Variants in MAGT1 observed in about 807,000 individuals in gnomAD.
MAGT1 encodes magnesium transporter 1, also known as dolichyl-diphosphooligosaccharide--protein glycosyltransferase subunit MAGT1.
A neutral mutation model predicts 28.4 loss-of-function variants in MAGT1; 4 were observed. The observed-to-expected ratio is 0.14, with a 90% confidence interval of 0.07 to 0.32. The LOEUF (loss-of-function observed/expected upper bound fraction) is 0.32. MAGT1 is among the 10% of genes least tolerant of loss of function. MAGT1 has a pLI of 1.00. For synonymous variants in MAGT1, 89 were observed against 89.7 expected, an observed-to-expected ratio of 0.99 and a Z score of 0.04; for missense variants, 193 against 264.5, an observed-to-expected ratio of 0.73 and a Z score of 1.88.
chrX:77,876,150 ATATATATATATATATTTTTTTT>A (rs1250325086), intron 1 of MAGT1, among the ~76,000 whole-genome samples: 2 of 29,981 alleles, frequency 6.7e-5, no homozygotes, highest in Non-Finnish European at 1.2e-4. Flanking sequence ...ATATATATAT[ATATATATATATATATTTTTTTT>A]TTTTTTTTTT....
intron 7 of MAGT1, among the ~76,000 whole-genome samples, chrX:77,852,232 G>A (rs2076970508): frequency 8.9e-6 from 1 of 112,197 alleles, no homozygotes; most frequent in Non-Finnish European, 1.9e-5. Context: ...TATGGACTAG[G>A]TGTATATTGT....
At chrX:77,843,710 G>C (rs2076942119) in intron 7 of MAGT1, among the ~76,000 whole-genome samples, 1 of 111,450 alleles carries the variant, frequency 9.0e-6, no homozygotes. Context: ...TATACTTTAA[G>C]TTTTAGGGTA....
At chrX:77,870,512 TA>T (rs782371046) in intron 3 of MAGT1, among the ~76,000 whole-genome samples, 1 of 111,743 alleles carries the variant, frequency 8.9e-6, no homozygotes, top group South Asian at 3.7e-4. Context: ...TGCTGTGATT[TA>T]AAAAATTCCT....
intron 2 of MAGT1, among the ~76,000 whole-genome samples, chrX:77,874,581 G>A (rs1216248087): frequency 9.9e-6 from 1 of 100,622 alleles, no homozygotes; most frequent in African/African-American, 3.6e-5. Flanking sequence ...GGGTGACAGA[G>A]CGAGACTTTG....
intron 7 of MAGT1, among the ~76,000 whole-genome samples, chrX:77,850,345 G>A (rs1178411270): frequency 9.2e-6 from 1 of 108,563 alleles, no homozygotes; most frequent in African/African-American, 3.3e-5. Context: ...GTGAGGTGGT[G>A]CACACTTGTA....
At chrX:77,833,918 G>A (rs993642341) in intron 8 of MAGT1, among the ~76,000 whole-genome samples, 6 of 110,233 alleles carry the variant, frequency 5.4e-5, no homozygotes, top group Non-Finnish European at 1.1e-4. Context: ...GCATAGTACT[G>A]GTGTAAAAAC....
chrX:77,847,609 C>CTT (rs782595247), intron 7 of MAGT1, among the ~76,000 whole-genome samples: 13 of 93,074 alleles, frequency 1.4e-4, no homozygotes, highest in Non-Finnish European at 1.7e-4. Flanking sequence ...TCATTTCTTT[C>CTT]TTTTTTTTTT....
At chrX:77,870,500 C>T (rs1298974104) in intron 3 of MAGT1, among the ~76,000 whole-genome samples, 2 of 110,904 alleles carry the variant, frequency 1.8e-5, no homozygotes, top group African/African-American at 3.3e-5. Context: ...TGGTGGGACT[C>T]GTGCTGTGAT....
intron 3 of MAGT1, among the ~76,000 whole-genome samples, chrX:77,869,806 G>A (rs1357414728): frequency 1.8e-5 from 2 of 111,503 alleles, no homozygotes; most frequent in African/African-American, 6.5e-5. Flanking sequence ...TGGTGGGAAT[G>A]TAAACTAGTA....
chrX:77,878,212 C>G lies in MAGT1; in HGVS notation c.103-2615G>C, dbSNP rs149937524. On this transcript the variant is annotated intron_variant, in intron 1 of 9. Transcript: ENST00000618282. ...GCTGAGGCATGACAATCGCTTGAAC[C>G]CGGGAGACGGAGGTTGCAGTGAGCC... Among the ~76,000 whole-genome samples the G allele has an allele frequency of 7.0e-3, 684 of 98,265 alleles. 9 individuals are homozygous for G. Among genetic ancestry groups the G allele is most frequent in the African/African-American group, 0.025 (660 of 26,557 alleles). 85.3% of individuals were successfully genotyped at this position (98,265 alleles called of 115,157 possible).
At chrX:77,847,117 C>T (rs1222801468) in intron 7 of MAGT1, among the ~76,000 whole-genome samples, 1 of 112,341 alleles carries the variant, frequency 8.9e-6, no homozygotes, top group African/African-American at 3.2e-5. Flanking sequence ...CTTACCTACT[C>T]AAGCCTCGGC....
At chrX:77,841,006 ATAAT>A (rs1187293422) in intron 8 of MAGT1, among the ~76,000 whole-genome samples, 1 of 112,045 alleles carries the variant, frequency 8.9e-6, no homozygotes, top group African/African-American at 3.2e-5. Flanking sequence ...CAATTTAAAA[ATAAT>A]TAGTTTTTCA....
chrX:77,845,024 G>A (rs1181967274), intron 7 of MAGT1, among the ~76,000 whole-genome samples: 1 of 110,959 alleles, frequency 9.0e-6, no homozygotes, highest in African/African-American at 3.3e-5. Flanking sequence ...TCGTGGATCT[G>A]TCTAATGTTG....
At chrX:77,848,785 C>T (rs1365250743) in intron 7 of MAGT1, among the ~76,000 whole-genome samples, 3 of 110,587 alleles carry the variant, frequency 2.7e-5, no homozygotes, top group South Asian at 3.8e-4. Context: ...GGCCAAGGTA[C>T]GAGGATTGTT....
chrX:77,844,154 A>G (rs1557214664), intron 7 of MAGT1, among the ~76,000 whole-genome samples: 1 of 111,435 alleles, frequency 9.0e-6, no homozygotes, highest in Non-Finnish European at 1.9e-5. Context: ...CAGAGATTCA[A>G]CTTCTTCCTG....
Position 77,839,732 on chromosome X carries a change from C to T in MAGT1, c.901+1514G>A, listed in dbSNP as rs1163556152. The stretch of plus-strand genomic sequence containing the variant: ...CCACGTTGGCCAGGCTGGTCTCAAA[C>T]TCCTGACCTTGTGATCCACCTGCCT... On this transcript the variant is annotated intron_variant, in intron 8 of 9. Transcript: ENST00000618282. Among the ~76,000 whole-genome samples, 6 of 110,220 alleles carry T rather than the reference C, an allele frequency of 5.4e-5. No individual in the cohort carries two copies. In the East Asian group the frequency reaches 1.7e-3, roughly 32 times the overall value.
At chrX:77,890,251 A>G (rs1603365436) in intron 1 of MAGT1, among the ~76,000 whole-genome samples, 1 of 112,414 alleles carries the variant, frequency 8.9e-6, no homozygotes, top group Non-Finnish European at 1.9e-5. Flanking sequence ...ATGAAGTAGA[A>G]CAAAACAAAT....
chrX:77,838,289 T>C (rs2076925380), intron 8 of MAGT1, among the ~76,000 whole-genome samples: 1 of 109,593 alleles, frequency 9.1e-6, no homozygotes, highest in Non-Finnish European at 1.9e-5. Flanking sequence ...ACCCCATCTC[T>C]ACAAAAAATA....
chrX:77,842,405 T>G (rs1203129824), intron 7 of MAGT1, among the ~76,000 whole-genome samples: 1 of 111,223 alleles, frequency 9.0e-6, no homozygotes, highest in Admixed American at 9.7e-5. Context: ...AAAAAAATTC[T>G]CCATATTTTC....
Sources: gnomAD v4.1 joint callset for allele counts (sites outside exome capture counted in the v4.1 genomes callset) on GRCh38, gnomAD v4.1.1 for gene constraint, MANE v1.5 for transcripts, NCBI Gene and HGNC (gene_info 2026-07-23, HGNC 2026-07-21) for gene names.